The following CRB1 variants were observed in gnomAD, a reference collection of about 807,000 sequenced individuals.
The protein encoded by CRB1 is protein crumbs homolog 1.
CRB1 carries 83 observed loss-of-function variants against 120.0 expected under a neutral mutation model. The ratio of observed to expected loss-of-function variants is 0.69; its 90% confidence interval spans 0.58 to 0.83. The LOEUF is 0.83. Among genes scored for constraint, CRB1 ranks in the 40% least tolerant of loss-of-function variants. CRB1 has a pLI of 0.00. For missense variants in CRB1, 1,699 were observed against 1,687.6 expected, an observed-to-expected ratio of 1.01 and a Z score of -0.12; for synonymous variants, 625 against 612.5, an observed-to-expected ratio of 1.02 and a Z score of -0.30.
chr1:197,322,602 C>T (rs1658267732), intron 1 of CRB1, among the ~76,000 whole-genome samples: 1 of 152,018 alleles, frequency 6.6e-6, no homozygotes, highest in South Asian at 2.1e-4. Context: ...GAAGACTTAA[C>T]ATTCCATATG....
intron 8 of CRB1, among the ~76,000 whole-genome samples, chr1:197,432,440 TTTAA>T (rs1447463579): frequency 2.6e-5 from 4 of 151,728 alleles, no homozygotes; most frequent in Non-Finnish European, 4.4e-5. Context: ...AATTGATTTA[TTTAA>T]TTAAGTCAAA....
At chr1:197,326,039 T>C (rs1005022101) in intron 1 of CRB1, among the ~76,000 whole-genome samples, 5 of 152,194 alleles carry the variant, frequency 3.3e-5, no homozygotes, top group African/African-American at 1.2e-4. Flanking sequence ...GATAAGAGGA[T>C]ATTTAAATAG....
At chr1:197,215,672 C>T in the CRB1 span, among the ~76,000 whole-genome samples, 1 of 151,932 alleles carries the variant, frequency 6.6e-6, no homozygotes, top group East Asian at 1.9e-4. Flanking sequence ...GGGACTTTTC[C>T]CCCTTTTACC....
intron 5 of CRB1, among the ~76,000 whole-genome samples, chr1:197,411,484 T>G (rs569826618): frequency 6.6e-6 from 1 of 152,318 alleles, no homozygotes; most frequent in African/African-American, 2.4e-5. Flanking sequence ...AGTTTTGTGG[T>G]TTCTTCACCT....
At chr1:197,333,724 T>C (rs1658991787) in intron 2 of CRB1, among the ~76,000 whole-genome samples, 1 of 152,176 alleles carries the variant, frequency 6.6e-6, no homozygotes, top group African/African-American at 2.4e-5. Context: ...CATCATATAG[T>C]GAAGGAAATG....
intron 5 of CRB1, among the ~76,000 whole-genome samples, chr1:197,392,217 A>G (rs1031701352): frequency 6.6e-6 from 1 of 151,776 alleles, no homozygotes; most frequent in Non-Finnish European, 1.5e-5. Context: ...CTAAGTTTTC[A>G]CTCTGGTGAC....
the CRB1 span, among the ~76,000 whole-genome samples, chr1:197,231,847 C>T: frequency 5.9e-5 from 9 of 152,178 alleles, no homozygotes; most frequent in East Asian, 1.9e-4. Context: ...TGATAGCAGA[C>T]GCTATTTGTA....
At chr1:197,450,784 CAAAAAAAAAAAA>C (rs71131758) in intron 11 of CRB1, among the ~76,000 whole-genome samples, 3 of 59,624 alleles carry the variant, frequency 5.0e-5, no homozygotes, top group Non-Finnish European at 8.3e-5. Context: ...ACTAAAAATA[CAAAAAAAAAAAA>C]AAAAAAAAAA....
At chr1:197,267,942 G>C (rs2125193396), upstream of CRB1, among the ~76,000 whole-genome samples, 1 of 152,296 alleles carries the variant, frequency 6.6e-6, no homozygotes, top group South Asian at 2.1e-4. Flanking sequence ...AAGATTACTT[G>C]TCTGTGAATT....
the CRB1 span, among the ~76,000 whole-genome samples, chr1:197,202,734 G>A: frequency 3.3e-5 from 5 of 152,010 alleles, no homozygotes; most frequent in Non-Finnish European, 7.4e-5. Context: ...CAAAAATTTG[G>A]GTGTTGGGAT....
At chr1:197,351,961 A>G (rs1403677127) in intron 4 of CRB1, among the ~76,000 whole-genome samples, 2 of 152,210 alleles carry the variant, frequency 1.3e-5, no homozygotes, top group Non-Finnish European at 2.9e-5. Context: ...CCATTTCTTC[A>G]GCTCATGACT....
intron 6 of CRB1, among the ~76,000 whole-genome samples, chr1:197,425,284 G>A (rs1266459941): frequency 3.9e-5 from 6 of 152,214 alleles, no homozygotes; most frequent in Non-Finnish European, 7.3e-5. Context: ...GTTGCCTGGA[G>A]CAGGTGGTCT....
At chr1:197,282,679 A>G (rs1655591748) in intron 1 of CRB1, among the ~76,000 whole-genome samples, 1 of 151,914 alleles carries the variant, frequency 6.6e-6, no homozygotes, top group South Asian at 2.1e-4. Flanking sequence ...ACACACATAT[A>G]CAATTAGAAT....
chr1:197,357,350 T>C (rs1660543464), intron 5 of CRB1: 1 of 356,378 alleles, frequency 2.8e-6, no homozygotes, highest in African/African-American at 2.1e-5. Context: ...TGTTAAATTT[T>C]ATGTTATTCA....
chr1:197,377,713 CAAGAATCT>C (rs749212955), intron 5 of CRB1, among the ~76,000 whole-genome samples: 1 of 152,164 alleles, frequency 6.6e-6, no homozygotes, highest in Non-Finnish European at 1.5e-5. Flanking sequence ...TTCTTCCTAT[CAAGAATCT>C]AAGGATTTAT....
chr1:197,434,553 A>G (rs1173158270), intron 8 of CRB1, among the ~76,000 whole-genome samples, 153 bp from the exon 9 acceptor site: 1 of 152,162 alleles, frequency 6.6e-6, no homozygotes, highest in African/African-American at 2.4e-5. Flanking sequence ...TTGATATTAG[A>G]AATAATATAA....
rs141668357 is a variant in CRB1 at position 197,309,063 on chromosome 1, T to C, written c.71-19359T>C. ...TATGTATATATTTATGTTACATGTA[T>C]ATACTGTAAATCATATATACACATA... On this transcript the variant is annotated intron_variant, in intron 1 of 11. Coordinates refer to ENST00000367400, the MANE Select transcript of CRB1 (RefSeq NM_201253.3). Among the ~76,000 whole-genome samples, 915 of 151,796 alleles carry C rather than the reference T, an allele frequency of 6.0e-3. 5 individuals carry two copies. The highest frequency in any genetic ancestry group is 0.013 in the Admixed American group (192 of 15,170).
intron 8 of CRB1, among the ~76,000 whole-genome samples, chr1:197,434,152 T>C (rs189652456): frequency 6.6e-6 from 1 of 151,940 alleles, no homozygotes; most frequent in East Asian, 1.9e-4. Flanking sequence ...TGTCACATAA[T>C]TGGAGTTTTA....
At chr1:197,216,361 C>T in the CRB1 span, among the ~76,000 whole-genome samples, 955 of 152,258 alleles carry the variant, frequency 6.3e-3, 13 homozygotes, top group African/African-American at 0.022. Flanking sequence ...CTATTTACAG[C>T]TGTATCCTTA....
Sources: gnomAD v4.1 joint callset for allele counts (sites outside exome capture counted in the v4.1 genomes callset) on GRCh38, gnomAD v4.1.1 for gene constraint, MANE v1.5 for transcripts, NCBI Gene and HGNC (gene_info 2026-07-23, HGNC 2026-07-21) for gene names.